The following MALRD1 variants were observed in gnomAD, a reference collection of about 807,000 sequenced individuals.
MALRD1 encodes the protein MAM and LDL-receptor class A domain-containing protein 1.
MALRD1 carries 247 observed loss-of-function variants against 242.1 expected under a neutral mutation model. The observed-to-expected ratio is 1.02, with a 90% confidence interval of 0.92 to 1.13. The LOEUF is 1.13. Ranked by LOEUF, MALRD1 falls within the 50% of genes most tolerant of loss-of-function variation. The pLI is 0.00. For missense variants in MALRD1, 2,989 were observed against 2,533.1 expected (o/e 1.18, Z -3.86); for synonymous variants, 995 against 866.6 (o/e 1.15, Z -2.60).
chr10:19,551,688 GCTTCTA>G (rs1835476897), intron 32 of MALRD1, among the ~76,000 whole-genome samples: 1 of 151,952 alleles, frequency 6.6e-6, no homozygotes, highest in Non-Finnish European at 1.5e-5. Flanking sequence ...AAAGCGGAAT[GCTTCTA>G]GCTTTTGCCC....
intron 8 of MALRD1, among the ~76,000 whole-genome samples, chr10:19,133,552 C>G (rs915638599): frequency 6.6e-6 from 1 of 152,002 alleles, no homozygotes; most frequent in African/African-American, 2.4e-5. Flanking sequence ...ATCTTATTAA[C>G]TGTTATTTAG....
intron 31 of MALRD1, among the ~76,000 whole-genome samples, chr10:19,513,374 A>T (rs1833487490): frequency 6.6e-6 from 1 of 151,584 alleles, no homozygotes; most frequent in Admixed American, 6.6e-5. Context: ...AGCCAAGCAG[A>T]TACTGGTGCC....
intron 38 of MALRD1, among the ~76,000 whole-genome samples, chr10:19,704,971 A>G (rs1197536699): frequency 6.6e-6 from 1 of 152,050 alleles, no homozygotes; most frequent in Non-Finnish European, 1.5e-5. Context: ...ACATGACAAA[A>G]CCCTGTCTCT....
intron 28 of MALRD1, among the ~76,000 whole-genome samples, chr10:19,434,985 A>T (rs1033084405): frequency 6.6e-6 from 1 of 151,774 alleles, no homozygotes; most frequent in African/African-American, 2.4e-5. Context: ...TAATTAAAAT[A>T]TTGAAAGCTA....
intron 31 of MALRD1, among the ~76,000 whole-genome samples, chr10:19,528,367 G>T (rs551130056): frequency 7.8e-4 from 119 of 152,282 alleles, no homozygotes; most frequent in African/African-American, 2.7e-3. Context: ...AGCCGAGGCG[G>T]GCGGATCACA....
chr10:19,082,981 T>C (rs963247107), intron 2 of MALRD1, among the ~76,000 whole-genome samples: 2 of 152,020 alleles, frequency 1.3e-5, no homozygotes, highest in South Asian at 2.1e-4. Context: ...TCCTGGTTCA[T>C]AAGACAGTAC....
At chr10:19,333,781 C>T (rs561266994) in intron 24 of MALRD1, among the ~76,000 whole-genome samples, 34 of 151,652 alleles carry the variant, frequency 2.2e-4, no homozygotes, top group Admixed American at 6.6e-5. Flanking sequence ...GTAAGCTTTG[C>T]CTTTTCTCGG....
At chr10:19,417,803 G>T (rs1833566698) in intron 28 of MALRD1, among the ~76,000 whole-genome samples, 1 of 152,124 alleles carries the variant, frequency 6.6e-6, no homozygotes, top group Admixed American at 6.5e-5. Flanking sequence ...ACAATGTAAA[G>T]ATCTCAATTC....
intron 36 of MALRD1, among the ~76,000 whole-genome samples, chr10:19,646,057 A>G (rs973656413): frequency 3.0e-4 from 46 of 152,232 alleles, no homozygotes; most frequent in African/African-American, 1.1e-3. Flanking sequence ...AATTATTTTT[A>G]TAATAAACAT....
intron 32 of MALRD1, among the ~76,000 whole-genome samples, chr10:19,563,250 A>G (rs1277052718): frequency 6.6e-6 from 1 of 152,194 alleles, no homozygotes; most frequent in African/African-American, 2.4e-5. Context: ...TTTCATTAAT[A>G]TCAGTAGCAT....
intron 31 of MALRD1, among the ~76,000 whole-genome samples, chr10:19,517,613 A>G (rs1833692045): frequency 6.6e-6 from 1 of 152,082 alleles, no homozygotes; most frequent in Non-Finnish European, 1.5e-5. Context: ...CAGATGGGGG[A>G]GTTCTAGATA....
intron 26 of MALRD1, among the ~76,000 whole-genome samples, chr10:19,382,567 A>C (rs1240924581): frequency 6.6e-6 from 1 of 152,080 alleles, no homozygotes; most frequent in East Asian, 1.9e-4. Context: ...TTCATGTTTG[A>C]GTTTATGTAA....
rs1457488207 is a variant in MALRD1, at chr10:19,072,136, G to A, written c.340+5277G>A. On this transcript the variant is annotated intron_variant, in intron 2 of 39. Transcript: ENST00000454679. ...AAAGCTCACAACGTGACAAGGATAC[G>A]ATGTGTGTGTTTTCCAGATGTTGCT... 2.6e-5 allele frequency among the ~76,000 whole-genome samples: 4 copies of A among 152,156 alleles called. No homozygotes were observed. In the East Asian group the frequency reaches 5.8e-4, roughly 22 times the overall value.
chr10:19,526,230 A>G (rs537869689), intron 31 of MALRD1, among the ~76,000 whole-genome samples: 7 of 152,104 alleles, frequency 4.6e-5, no homozygotes, highest in East Asian at 1.9e-4. Context: ...GAATGAGTCT[A>G]TTTCTGAAAG....
At chr10:19,498,188 CTT>C (rs1160821522) in intron 30 of MALRD1, among the ~76,000 whole-genome samples, 3 of 152,132 alleles carry the variant, frequency 2.0e-5, no homozygotes, top group African/African-American at 7.2e-5. Context: ...CCTGAATAAT[CTT>C]GTATTAGCAT....
Position 19,309,185 on chromosome 10 carries a change from T to A in MALRD1, c.3420-14764T>A, listed in dbSNP as rs924261415. ...CAGTGGAGATTGATTCTCACAGAGG[T>A]GATTCATGGAGCATAATTTTTTTTA... On this transcript the variant is annotated intron_variant, in intron 21 of 39. Transcript: ENST00000454679. Among the ~76,000 whole-genome samples, 3 of 151,572 alleles carry A rather than the reference T, an allele frequency of 2.0e-5. No individual in the cohort carries two copies. The Admixed American group carries it at 2.0e-4, about 10-fold the overall frequency.
chr10:19,054,344 T>G (rs559748027), intron 1 of MALRD1, among the ~76,000 whole-genome samples: 9 of 152,178 alleles, frequency 5.9e-5, no homozygotes, highest in Non-Finnish European at 1.3e-4. Context: ...TCAAGCAAAG[T>G]AATCCATTGC....
intron 21 of MALRD1, among the ~76,000 whole-genome samples, chr10:19,289,283 C>T (rs1323344938): frequency 6.6e-6 from 1 of 152,152 alleles, no homozygotes; most frequent in African/African-American, 2.4e-5. Context: ...TATTTCCTCT[C>T]ACCCTACCAC....
intron 33 of MALRD1, among the ~76,000 whole-genome samples, chr10:19,593,628 T>A (rs1423092482): frequency 1.3e-5 from 2 of 152,184 alleles, no homozygotes; most frequent in Non-Finnish European, 2.9e-5. Context: ...GTAAGAAGCA[T>A]CCCACTAATC....
Sources: gnomAD v4.1 joint callset for allele counts (sites outside exome capture counted in the v4.1 genomes callset) on GRCh38, gnomAD v4.1.1 for gene constraint, MANE v1.5 for transcripts, NCBI Gene and HGNC (gene_info 2026-07-23, HGNC 2026-07-21) for gene names.